Variants in AUTS2 observed in about 807,000 individuals in gnomAD.
AUTS2 encodes the protein activator of transcription and developmental regulator AUTS2, also known as autism susceptibility gene 2 protein.
In AUTS2, 17 loss-of-function variants were observed where a neutral mutation model predicts 112.4. The observed-to-expected ratio is 0.15, with a 90% CI of 0.10 to 0.23. AUTS2 has a LOEUF of 0.23. AUTS2 is among the 10% of genes least tolerant of loss of function. AUTS2 has a pLI of 1.00. For synonymous variants in AUTS2, 751 were observed against 702.7 expected (o/e 1.07, Z -1.09); for missense variants, 1,510 against 1,701.6 (o/e 0.89, Z 1.98).
At chr7:70,522,645 G>A (rs1169662488) in intron 5 of AUTS2, among the ~76,000 whole-genome samples, 1 of 152,166 alleles carries the variant, frequency 6.6e-6, no homozygotes, top group Non-Finnish European at 1.5e-5. Context: ...TTGTTCTTTT[G>A]TATGGCTGCT....
intron 4 of AUTS2, among the ~76,000 whole-genome samples, chr7:70,376,470 C>T (rs889722001): frequency 2.0e-5 from 3 of 151,796 alleles, no homozygotes; most frequent in Non-Finnish European, 4.4e-5. Context: ...GCCGGCACAC[C>T]GTAGTTGGCC....
At chr7:69,697,931 A>G (rs1199851530) in intron 1 of AUTS2, among the ~76,000 whole-genome samples, 2 of 152,188 alleles carry the variant, frequency 1.3e-5, no homozygotes, top group Admixed American at 6.5e-5. Context: ...TTGTGATAAC[A>G]CGGCAGTTTA....
chr7:70,385,595 A>G (rs540626471), intron 4 of AUTS2, among the ~76,000 whole-genome samples: 10 of 152,236 alleles, frequency 6.6e-5, no homozygotes, highest in Admixed American at 6.5e-4. Context: ...AGGACCAAGG[A>G]GGGCCAGGTG....
intron 5 of AUTS2, among the ~76,000 whole-genome samples, chr7:70,692,148 G>A (rs997306650): frequency 6.6e-6 from 1 of 152,246 alleles, no homozygotes; most frequent in African/African-American, 2.4e-5. Flanking sequence ...GATTACAGAC[G>A]TGAGCAACTG....
intron 5 of AUTS2, among the ~76,000 whole-genome samples, chr7:70,453,754 G>A (rs1053226046): frequency 7.2e-5 from 11 of 152,064 alleles, no homozygotes; most frequent in Admixed American, 3.3e-4. Flanking sequence ...TCTCATCTCC[G>A]CCTGCCTCTC....
intron 4 of AUTS2, among the ~76,000 whole-genome samples, chr7:70,344,314 G>A (rs1791401157): frequency 6.6e-6 from 1 of 152,192 alleles, no homozygotes. Flanking sequence ...TACGAGGCAT[G>A]AGAGAGGGGA....
chr7:70,579,627 A>C (rs978700617), intron 5 of AUTS2, among the ~76,000 whole-genome samples: 1 of 152,190 alleles, frequency 6.6e-6, no homozygotes, highest in African/African-American at 2.4e-5. Context: ...GAGCAGGTGC[A>C]ATTAATAAAC....
At chr7:69,888,051 C>T (rs1794352854) in intron 1 of AUTS2, among the ~76,000 whole-genome samples, 1 of 152,098 alleles carries the variant, frequency 6.6e-6, no homozygotes, top group African/African-American at 2.4e-5. Context: ...TGGCTCATGC[C>T]TCTAATCCCA....
intron 14 of AUTS2, among the ~76,000 whole-genome samples, chr7:70,778,560 GATCTC>G (rs1272945945): frequency 2.8e-5 from 4 of 143,596 alleles, no homozygotes; most frequent in Non-Finnish European, 6.0e-5. Context: ...AACATAGCAA[GATCTC>G]ATCTCTAAAA....
chr7:70,660,814 A>C (rs1807032286), intron 5 of AUTS2, among the ~76,000 whole-genome samples: 1 of 152,188 alleles, frequency 6.6e-6, no homozygotes, highest in Non-Finnish European at 1.5e-5. Flanking sequence ...TAAGTTGGAA[A>C]GTGTTTGCTG....
intron 1 of AUTS2, among the ~76,000 whole-genome samples, chr7:69,677,724 T>TAAA (rs1796619788): frequency 6.6e-6 from 1 of 152,230 alleles, no homozygotes; most frequent in African/African-American, 2.4e-5. Flanking sequence ...CTCACATTGT[T>TAAA]TACTCCTCTA....
Position 70,698,580 on chromosome 7 carries a change from C to G in AUTS2, c.702C>G (p.Ala234=). The G allele has an allele frequency of 6.2e-7, 1 of 1,605,754 alleles. No individual in the cohort carries two copies. Among genetic ancestry groups the G allele is most frequent in the Non-Finnish European group, 8.5e-7 (1 of 1,175,986 alleles). The change falls in exon 6 of 19, where the codon GCC becomes GCG. Residue 234 remains alanine (A), a synonymous_variant. Coordinates refer to ENST00000342771, the MANE Select transcript of AUTS2 (RefSeq NM_015570.4). ...DSDQEEKASD[A]SSEKLFNTVI... ...TTCTTGTTTTTCAGGCATCAGATGC[C>G]AGCTCTGAAAAACTCTTCAACACTG... is the stretch of plus-strand genomic sequence containing the variant.
intron 5 of AUTS2, among the ~76,000 whole-genome samples, chr7:70,503,699 TG>T (rs754652606): frequency 1.3e-5 from 2 of 151,674 alleles, no homozygotes; most frequent in Admixed American, 6.6e-5. Flanking sequence ...TTAAATTTTT[TG>T]TAGAGGTGAG....
chr7:69,930,229 C>T (rs1796176238), intron 2 of AUTS2, among the ~76,000 whole-genome samples: 1 of 152,164 alleles, frequency 6.6e-6, no homozygotes, highest in South Asian at 2.1e-4. Context: ...TTTCCCCAGC[C>T]TTGAGTAGCG....
At chr7:70,037,749 TC>T (rs1201560084) in intron 2 of AUTS2, among the ~76,000 whole-genome samples, 1 of 152,158 alleles carries the variant, frequency 6.6e-6, no homozygotes, top group Non-Finnish European at 1.5e-5. Flanking sequence ...CTCTGCCACT[TC>T]CTGGACATGT....
chr7:70,096,652 C>T (rs1224458267), intron 2 of AUTS2, among the ~76,000 whole-genome samples: 2 of 148,564 alleles, frequency 1.3e-5, no homozygotes. Context: ...GTGTAAAGGA[C>T]TATACTCATT....
chr7:70,025,636 A>G (rs911967540), intron 2 of AUTS2, among the ~76,000 whole-genome samples: 1 of 151,604 alleles, frequency 6.6e-6, no homozygotes, highest in African/African-American at 2.4e-5. Flanking sequence ...TTGTATTTTT[A>G]GTAGGGACAG....
At chr7:69,757,213 G>A (rs561453472) in intron 1 of AUTS2, among the ~76,000 whole-genome samples, 56 of 152,258 alleles carry the variant, frequency 3.7e-4, no homozygotes, top group African/African-American at 1.3e-3. Flanking sequence ...GCCAAATAAT[G>A]TCTCTGCTTT....
At position 69,905,743 on chromosome 7, in the gene AUTS2, G is replaced by A. The variant is rs145081933; in HGVS notation, c.522+6245G>A. On this transcript the variant is annotated intron_variant, in intron 2 of 18. Transcript: ENST00000342771. ...CACACCCAAAGGTAATGCTGTACCAGTTCTCTAGGTATTCTTTAATCCAGT... is the reference window on the plus strand; with the variant it reads ...CACACCCAAAGGTAATGCTGTACCAATTCTCTAGGTATTCTTTAATCCAGT... Among the ~76,000 whole-genome samples, 12 of 152,190 alleles carry A rather than the reference G, an allele frequency of 7.9e-5. No individual in the cohort carries two copies. In the East Asian group the frequency reaches 2.1e-3, roughly 27 times the overall value.
Sources: gnomAD v4.1 joint callset for allele counts (sites outside exome capture counted in the v4.1 genomes callset) on GRCh38, gnomAD v4.1.1 for gene constraint, MANE v1.5 for transcripts, NCBI Gene and HGNC (gene_info 2026-07-23, HGNC 2026-07-21) for gene names.